PML: variants seen among roughly 807,000 people sequenced by gnomAD.
The protein encoded by PML is protein PML.
Under a neutral mutation model 65.2 loss-of-function variants are expected in PML, and 28 were observed. The observed-to-expected ratio is 0.43, with a 90% CI of 0.32 to 0.59. The LOEUF is 0.59. Ranked by LOEUF, PML falls within the 20% of genes least tolerant of loss-of-function variation. The pLI, the probability that PML is intolerant of heterozygous loss-of-function variation, is 0.08. For missense variants in PML, 1,021 were observed against 1,203.4 expected (o/e 0.85, Z 2.24); for synonymous variants, 500 against 508.8 (o/e 0.98, Z 0.23).
In PML at chr15:74,044,951, A is replaced by T. The variant is rs758992144; in HGVS notation, c.2592A>T (p.Gly864=). 1.2e-6 allele frequency: 2 copies of T among 1,611,986 alleles called. No individual in the cohort carries two copies. Among genetic ancestry groups the T allele is most frequent in the East Asian group, 4.5e-5 (2 of 44,838 alleles). ...LEGPALARAE[G]VSTPLAGRGL... ...GTCCGGCGCTGGCACGGGCAGAAGG[A>T]GTCTCCACCCCACTTGCTGGCCGTG... is the stretch of plus-strand genomic sequence containing the variant. The change falls in exon 9 of 9, where the codon GGA becomes GGT. Residue 864 remains glycine (G), a synonymous_variant. Transcript: ENST00000268058.
intron 2 of PML, among the ~76,000 whole-genome samples, chr15:74,022,115 A>G (rs939123500): frequency 7.2e-5 from 11 of 152,090 alleles, no homozygotes; most frequent in Non-Finnish European, 1.0e-4. Context: ...GCGGCAACAC[A>G]CCCGGCTAAT....
In PML at chr15:74,034,317, CAG is replaced by C. The variant is rs1341424654; in HGVS notation, c.1658-158_1658-157del. ...GAATTACTCAAATCCAAATGCAAAG[CAG>C]AGTCACATTGGCACACACAGTGGCT... On this transcript the variant is annotated intron_variant, in intron 6 of 8. Coordinates refer to ENST00000268058, the MANE Select transcript of PML (RefSeq NM_033238.3). The C allele has an allele frequency of 1.1e-5, 9 of 841,630 alleles. No homozygotes were observed. In the Admixed American group the frequency reaches 1.6e-4, roughly 15 times the overall value. The allele number at this position is 841,630 out of a possible 1,614,324, so 52.1% of individuals were successfully genotyped here. A position where few individuals can be genotyped will look rare whatever the true frequency, so the allele number is the denominator to read the frequency against.
chr15:74,035,778 A>C lies in PML; in HGVS notation c.1710+1248A>C, dbSNP rs752612389. ...TTCCGTGGTGGGGGCAGGGGAAAGC[A>C]GAGCCCAGACTCTTGGAGCAGGTGT... On this transcript the variant is annotated intron_variant, in intron 7 of 8. Coordinates refer to ENST00000268058, the MANE Select transcript of PML (RefSeq NM_033238.3). The surrounding 1 kb of genome is among the most constrained non-coding windows in gnomAD (Gnocchi z 4.1). 3.1e-6 allele frequency: 5 copies of C among 1,614,130 alleles called. No individual in the cohort carries two copies. Among genetic ancestry groups the C allele is most frequent in the South Asian group, 1.1e-5 (1 of 91,082 alleles).
chr15:74,001,372 CCT>C (rs2069754213), intron 2 of PML, among the ~76,000 whole-genome samples: 1 of 151,098 alleles, frequency 6.6e-6, no homozygotes, highest in Admixed American at 6.6e-5. Context: ...TGAGAATCTC[CCT>C]CTGTCACCCA....
chr15:74,007,895 T>A (rs892417436), intron 2 of PML, among the ~76,000 whole-genome samples: 1 of 152,258 alleles, frequency 6.6e-6, no homozygotes, highest in Non-Finnish European at 1.5e-5. Context: ...TGCAGAAGGC[T>A]GCATGACTTT....
rs1350136936 is a variant in PML at position 74,033,185 on chromosome 15, G to A, written c.1428G>A (p.Lys476=). Residue 476 remains lysine (K), a synonymous_variant, in exon 6 of 9, where the codon AAG becomes AAA. Transcript: ENST00000268058. ...TCTCCAATACAACGACAGCCCAGAA[G>A]AGGAAGTGCAGCCAGACCCAGTGCC... ...EDVSNTTTAQ[K]RKCSQTQCPR... 1.9e-6 allele frequency: 3 copies of A among 1,614,188 alleles called. No homozygotes were observed. Among genetic ancestry groups the A allele is most frequent in the East Asian group, 2.2e-5 (1 of 44,884 alleles).
At position 74,045,007 on chromosome 15, in the gene PML, G is replaced by A. The variant is rs1424716580; in HGVS notation, c.2648G>A (p.Ter883=). Residue 883 remains the stop codon, a stop_retained_variant, in exon 9 of 9, where the codon TGA becomes TAA. Transcript: ENST00000268058. ...GCAGAGAGGGCCTCCCAGCAGAGCT[G>A]AGAGGAGGGGGTGACCAGCTTGGAG... ...GLAERASQQS[*] 6.3e-7 allele frequency: 1 copy of A among 1,597,384 alleles called. No homozygotes were observed. Among genetic ancestry groups the A allele is most frequent in the Admixed American group, 1.7e-5 (1 of 59,488 alleles).
intron 2 of PML, among the ~76,000 whole-genome samples, chr15:74,019,751 T>C (rs1347757347): frequency 2.0e-5 from 3 of 152,234 alleles, no homozygotes; most frequent in Non-Finnish European, 4.4e-5. Context: ...ATGCCAGTCA[T>C]TTTTCAAACT....
At chr15:73,995,073 C>T (rs1200593744) in intron 1 of PML, 132 bp downstream of exon 1, 1 of 825,330 alleles carries the variant, frequency 1.2e-6, no homozygotes, top group Non-Finnish European at 1.9e-6. Context: ...GAAGTCCAGA[C>T]ACCAGGGTCC....
At chr15:74,032,458 G>T in intron 4 of PML, 114 bp from the exon 5 acceptor site, 3 of 1,098,332 alleles carry the variant, frequency 2.7e-6, no homozygotes, top group Middle Eastern at 2.6e-4. Flanking sequence ...GAGTCAGGGA[G>T]CCTGGACCTG....
intron 6 of PML, chr15:74,033,799 T>A: frequency 1.6e-5 from 9 of 561,202 alleles, no homozygotes; most frequent in South Asian, 5.0e-5. Context: ...CTCTGCTCTC[T>A]CAGTCTACAC....
chr15:74,032,766 C>T (rs1277530830), intron 5 of PML, 51 bp downstream of exon 5: 3 of 1,595,898 alleles, frequency 1.9e-6, no homozygotes, highest in Non-Finnish European at 8.6e-7. Flanking sequence ...TGAGTTCCAC[C>T]AGGAAAGTGA....
In PML at chr15:74,042,618, TTC is replaced by T; in HGVS notation, c.1711-366_1711-365del. 1 of 985,416 alleles carries T rather than the reference TTC, an allele frequency of 1.0e-6. No individual in the cohort carries two copies. Among genetic ancestry groups the T allele is most frequent in the Non-Finnish European group, 1.2e-6 (1 of 829,930 alleles). 61.0% of individuals were successfully genotyped at this position (985,416 alleles called of 1,614,324 possible). A position where few individuals can be genotyped will look rare whatever the true frequency, so the allele number is the denominator to read the frequency against. Reference sequence around the variant, plus strand: ...ACTCATGCACACACCCACTGGCATTTTCTCTCACACTTTCATACACTTGTGTC... The same window carrying T: ...ACTCATGCACACACCCACTGGCATTTTCTCACACTTTCATACACTTGTGTC... On this transcript the variant is annotated intron_variant, in intron 7 of 8. Coordinates refer to ENST00000268058, the MANE Select transcript of PML (RefSeq NM_033238.3). The surrounding 1 kb of genome is among the most constrained non-coding windows in gnomAD (Gnocchi z 5.3).
chr15:74,014,385 G>A (rs1046985262), intron 2 of PML, among the ~76,000 whole-genome samples: 4 of 151,790 alleles, frequency 2.6e-5, no homozygotes, highest in African/African-American at 4.8e-5. Flanking sequence ...AGGCAGTAGC[G>A]CAGTGGCGTG....
intron 2 of PML, among the ~76,000 whole-genome samples, chr15:74,010,950 A>C (rs1321300633): frequency 6.6e-6 from 1 of 152,252 alleles, no homozygotes; most frequent in Non-Finnish European, 1.5e-5. Flanking sequence ...TGTATAAATT[A>C]GTGAGTTTTT....
At position 74,043,203 on chromosome 15, in the gene PML, G is replaced by A. The variant is rs772474621; in HGVS notation, c.1861+64G>A. 3 of 1,613,810 alleles carry A rather than the reference G, an allele frequency of 1.9e-6. No individual in the cohort carries two copies. The highest frequency in any genetic ancestry group is 2.2e-5 in the East Asian group (1 of 44,850). On this transcript the variant is annotated intron_variant, in intron 8 of 8. Coordinates refer to ENST00000268058, the MANE Select transcript of PML (RefSeq NM_033238.3). The surrounding 1 kb of genome is among the most constrained non-coding windows in gnomAD (Gnocchi z 4.3). ...TAGTCTCTGAGTCCCAAAAAGAAGT[G>A]CAGGCAGAGCCATCTGCCAGGCCCA...
At chr15:74,006,738 A>G (rs1015516030) in intron 2 of PML, among the ~76,000 whole-genome samples, 7 of 152,188 alleles carry the variant, frequency 4.6e-5, no homozygotes, top group Non-Finnish European at 1.0e-4. Flanking sequence ...CAATCATGGC[A>G]CCAGAAACCT....
chr15:74,010,639 G>T (rs1164593142), intron 2 of PML, among the ~76,000 whole-genome samples: 4 of 151,884 alleles, frequency 2.6e-5, no homozygotes, highest in Non-Finnish European at 5.9e-5. Flanking sequence ...ATCACTTATT[G>T]AGCATTTATT....
At chr15:74,032,406 A>C (rs984361889) in intron 4 of PML, 166 bp from the exon 5 acceptor site, 2 of 697,278 alleles carry the variant, frequency 2.9e-6, no homozygotes, top group Non-Finnish European at 2.5e-6. Flanking sequence ...GATGTGATGG[A>C]GAGTTTGGAG....
Sources: allele counts gnomAD v4.1 joint callset (sites outside exome capture counted in the v4.1 genomes callset), GRCh38; gene constraint gnomAD v4.1.1; non-coding constraint Gnocchi (gnomAD v3.1); transcripts MANE v1.5; gene names NCBI Gene and HGNC (gene_info 2026-07-23, HGNC 2026-07-21).